The following TENM3 variants were observed in gnomAD, a reference collection of about 807,000 sequenced individuals.
TENM3 encodes teneurin-3.
TENM3 carries 63 observed loss-of-function variants against 255.1 expected under a neutral mutation model. The observed-to-expected ratio is 0.25, with a 90% CI of 0.20 to 0.30. The LOEUF (loss-of-function observed/expected upper bound fraction) is 0.30. TENM3 is among the 10% of genes least tolerant of loss of function. TENM3 has a pLI of 1.00. For missense variants in TENM3, 2,929 were observed against 3,461.1 expected (o/e 0.85, Z 3.86); for synonymous variants, 1,306 against 1,322.3 (o/e 0.99, Z 0.27).
At chr4:181,724,968 TA>T in the TENM3 span, among the ~76,000 whole-genome samples, 1 of 152,204 alleles carries the variant, frequency 6.6e-6, no homozygotes, top group South Asian at 2.1e-4. Flanking sequence ...ATTCAATATA[TA>T]CCTATTTCTT....
At chr4:182,497,289 G>C (rs1735868562) in intron 3 of TENM3, among the ~76,000 whole-genome samples, 1 of 151,998 alleles carries the variant, frequency 6.6e-6, no homozygotes, top group African/African-American at 2.4e-5. Context: ...CTGACCTAGT[G>C]ATCTGTCCGC....
intron 24 of TENM3, among the ~76,000 whole-genome samples, chr4:182,779,406 G>C (rs901743827): frequency 6.6e-6 from 1 of 152,114 alleles, no homozygotes; most frequent in Non-Finnish European, 1.5e-5. Context: ...TTTTATGGCT[G>C]CATAGTATTC....
At chr4:182,726,394 T>C (rs1049640867) in intron 13 of TENM3, among the ~76,000 whole-genome samples, 1 of 6,672 alleles carries the variant, frequency 1.5e-4, no homozygotes, top group African/African-American at 5.1e-4. Flanking sequence ...GTCTGACCTG[T>C]TAGTTTTTGC....
At chr4:182,073,959 T>C in the TENM3 span, among the ~76,000 whole-genome samples, 4 of 152,170 alleles carry the variant, frequency 2.6e-5, no homozygotes, top group Non-Finnish European at 5.9e-5. Context: ...AGGAAGAAGT[T>C]AAGTTTGTGG....
upstream of TENM3, among the ~76,000 whole-genome samples, chr4:182,241,306 G>T (rs1757237070): frequency 6.6e-6 from 1 of 152,036 alleles, no homozygotes; most frequent in Non-Finnish European, 1.5e-5. Context: ...GCTTTCTTCT[G>T]ATTCATTCAA....
the TENM3 span, among the ~76,000 whole-genome samples, chr4:181,605,606 A>G: frequency 3.3e-5 from 4 of 119,502 alleles, no homozygotes; most frequent in African/African-American, 5.5e-5. Flanking sequence ...AGAAAGAAAG[A>G]AAGAAAGAAA....
At chr4:181,972,287 T>C in the TENM3 span, among the ~76,000 whole-genome samples, 1 of 151,626 alleles carries the variant, frequency 6.6e-6, no homozygotes, top group Non-Finnish European at 1.5e-5. Context: ...GGCATGGTGG[T>C]GCATGCCTGT....
Position 182,680,172 on chromosome 4 carries a change from A to G in TENM3, c.1538-76A>G, listed in dbSNP as rs572052788. 4 of 1,038,180 alleles carry G rather than the reference A, an allele frequency of 3.9e-6. No individual in the cohort carries two copies. In the African/African-American group the frequency reaches 6.3e-5, roughly 16 times the overall value. 64.3% of individuals were successfully genotyped at this position (1,038,180 alleles called of 1,614,324 possible). ...TACTCAAATTATCTAGCATAAATGAAGATCAAAGTGATACCGTTTATCTTT... is the reference window on the plus strand; with the variant it reads ...TACTCAAATTATCTAGCATAAATGAGGATCAAAGTGATACCGTTTATCTTT... On this transcript the variant is annotated intron_variant, in intron 8 of 27. Coordinates refer to ENST00000511685, the MANE Select transcript of TENM3 (RefSeq NM_001080477.4).
chr4:182,518,491 G>A (rs1580808905), intron 3 of TENM3, among the ~76,000 whole-genome samples: 1 of 151,992 alleles, frequency 6.6e-6, no homozygotes, highest in East Asian at 1.9e-4. Flanking sequence ...ATAAGAAGCA[G>A]CAGCAGATGC....
chr4:182,679,277 TTATA>T (rs1755921574), intron 7 of TENM3, among the ~76,000 whole-genome samples: 1 of 152,144 alleles, frequency 6.6e-6, no homozygotes, highest in African/African-American at 2.4e-5. Flanking sequence ...CGTACGACTA[TTATA>T]TATCAATTAT....
intron 3 of TENM3, among the ~76,000 whole-genome samples, chr4:182,351,533 C>CAAG (rs1765180888): frequency 1.3e-5 from 2 of 152,144 alleles, no homozygotes; most frequent in Non-Finnish European, 2.9e-5. Flanking sequence ...AGCTGCCTGC[C>CAAG]GAGTTCTGGA....
chr4:181,919,068 G>C, the TENM3 span, among the ~76,000 whole-genome samples: 1 of 152,140 alleles, frequency 6.6e-6, no homozygotes, highest in African/African-American at 2.4e-5. Flanking sequence ...GTATGAAACA[G>C]ACATTGAAGA....
At chr4:182,062,890 T>G in the TENM3 span, among the ~76,000 whole-genome samples, 15 of 152,136 alleles carry the variant, frequency 9.9e-5, no homozygotes, top group Non-Finnish European at 1.5e-4. Flanking sequence ...TGAAGAAAGG[T>G]TTTTAGCTAA....
chr4:182,493,022 G>A (rs1054624213), intron 3 of TENM3, among the ~76,000 whole-genome samples: 14 of 152,186 alleles, frequency 9.2e-5, no homozygotes, highest in Non-Finnish European at 1.8e-4. Flanking sequence ...GCCATGAGAC[G>A]TGACAATTTT....
At chr4:182,437,024 G>A (rs1318095361) in intron 3 of TENM3, among the ~76,000 whole-genome samples, 1 of 37,046 alleles carries the variant, frequency 2.7e-5, no homozygotes, top group Non-Finnish European at 7.8e-5. Context: ...ACGAAACTCC[G>A]CCTCCAAAAA....
At chr4:181,647,935 C>T in the TENM3 span, among the ~76,000 whole-genome samples, 1 of 152,006 alleles carries the variant, frequency 6.6e-6, no homozygotes, top group Non-Finnish European at 1.5e-5. Context: ...GGTTTGAGAA[C>T]AGGATTCCAC....
chr4:182,387,830 G>A (rs1310614921), intron 3 of TENM3, among the ~76,000 whole-genome samples: 1 of 151,592 alleles, frequency 6.6e-6, no homozygotes, highest in Non-Finnish European at 1.5e-5. Flanking sequence ...CTTAAGAGCT[G>A]TAACACTCAC....
chr4:182,434,152 T>A (rs1248664746), intron 3 of TENM3, among the ~76,000 whole-genome samples: 4 of 148,244 alleles, frequency 2.7e-5, no homozygotes, highest in African/African-American at 9.9e-5. Context: ...TCAGAAGAAG[T>A]AAAAAGAAAA....
chr4:182,015,765 T>C, the TENM3 span, among the ~76,000 whole-genome samples: 6 of 152,022 alleles, frequency 3.9e-5, no homozygotes, highest in Admixed American at 2.0e-4. Flanking sequence ...TTCACCATGT[T>C]GGCCAGGCTG....
Sources: gnomAD v4.1 joint callset for allele counts (sites outside exome capture counted in the v4.1 genomes callset) on GRCh38, gnomAD v4.1.1 for gene constraint, MANE v1.5 for transcripts, NCBI Gene and HGNC (gene_info 2026-07-23, HGNC 2026-07-21) for gene names.